The following NIPSNAP1 variants were observed in gnomAD, a reference collection of about 807,000 sequenced individuals.
The protein encoded by NIPSNAP1 is protein NipSnap homolog 1.
A neutral mutation model predicts 49.2 loss-of-function variants in NIPSNAP1; 25 were observed. The ratio of observed to expected loss-of-function variants is 0.51; its 90% confidence interval spans 0.37 to 0.71. The LOEUF is 0.71. Ranked by LOEUF, NIPSNAP1 falls within the 30% of genes least tolerant of loss-of-function variation. The pLI is 0.00. For synonymous variants in NIPSNAP1, 143 were observed against 140.7 expected, an observed-to-expected ratio of 1.02 and a Z score of -0.12; for missense variants, 294 against 361.0, an observed-to-expected ratio of 0.81 and a Z score of 1.50.
intron 1 of NIPSNAP1, among the ~76,000 whole-genome samples, chr22:29,572,618 A>C (rs1223257792): frequency 2.0e-5 from 3 of 151,834 alleles, no homozygotes; most frequent in African/African-American, 7.3e-5. Context: ...GCCTGGGGAA[A>C]CTTGTGAGAC....
chr22:29,578,602 G>A (rs1416797143), intron 1 of NIPSNAP1, among the ~76,000 whole-genome samples: 3 of 151,306 alleles, frequency 2.0e-5, no homozygotes, highest in Non-Finnish European at 2.9e-5. Context: ...GCAGCCTGAG[G>A]GGCAGCAGGA....
At chr22:29,573,023 T>C (rs942470793) in intron 1 of NIPSNAP1, among the ~76,000 whole-genome samples, 2 of 150,776 alleles carry the variant, frequency 1.3e-5, no homozygotes, top group Non-Finnish European at 3.0e-5. Flanking sequence ...AGTGGTGATA[T>C]GTTTGTTTTG....
At chr22:29,559,054 T>TCTC in intron 8 of NIPSNAP1, 101 bp from the exon 9 acceptor site, 3 of 828,996 alleles carry the variant, frequency 3.6e-6, no homozygotes, top group Non-Finnish European at 6.3e-6. Context: ...TGCACTGCTG[T>TCTC]CTCCTCCTCC....
intron 1 of NIPSNAP1, among the ~76,000 whole-genome samples, chr22:29,579,289 C>CTTTTT (rs34084606): frequency 3.5e-5 from 2 of 57,374 alleles, no homozygotes; most frequent in Admixed American, 2.5e-4. Context: ...AATTTTTGTA[C>CTTTTT]TTTTTTTTTT....
intron 1 of NIPSNAP1, among the ~76,000 whole-genome samples, chr22:29,578,482 T>C (rs558757096): frequency 6.6e-6 from 1 of 151,274 alleles, no homozygotes; most frequent in South Asian, 2.1e-4. Context: ...CAGGTCCATC[T>C]GATTTCAAAG....
In NIPSNAP1 at chr22:29,558,834, G is replaced by C. The variant is rs755025283; in HGVS notation, c.790+36C>G. 64 of 1,456,582 alleles carry C rather than the reference G, an allele frequency of 4.4e-5. 1 individual carries two copies. In the East Asian group the frequency reaches 1.2e-3, roughly 28 times the overall value. The allele number at this position is 1,456,582 out of a possible 1,614,324, so 90.2% of individuals were successfully genotyped here. On this transcript the variant is annotated intron_variant, in intron 9 of 9. Coordinates refer to ENST00000216121, the MANE Select transcript of NIPSNAP1 (RefSeq NM_003634.4). ...CAGAGAGGATTCCATCCTCAGACAG[G>C]GTTCTCAGCAGAAGACCTCCAAAGG...
intron 1 of NIPSNAP1, among the ~76,000 whole-genome samples, chr22:29,579,498 G>A (rs372949025): frequency 6.6e-6 from 1 of 151,738 alleles, no homozygotes; most frequent in East Asian, 1.9e-4. Flanking sequence ...GGGTTTCACC[G>A]TGTTAGCCAG....
chr22:29,568,111 T>C (rs1236481952), intron 4 of NIPSNAP1, among the ~76,000 whole-genome samples: 2 of 139,476 alleles, frequency 1.4e-5, no homozygotes, highest in Non-Finnish European at 3.0e-5. Context: ...CCTGGGAAAT[T>C]GAGGCTCGAG....
chr22:29,561,726 G>C lies in NIPSNAP1; in HGVS notation c.438+66C>G. The stretch of plus-strand genomic sequence containing the variant: ...GTGTGCCTCATGGGGTAGCAGAGTA[G>C]TCCCCAGAACAGGGCTGGGCTGCAT... On this transcript the variant is annotated intron_variant, in intron 5 of 9. Transcript: ENST00000216121. The C allele has an allele frequency of 5.6e-6, 9 of 1,613,080 alleles. No homozygotes were observed. The South Asian group carries it at 8.8e-5, about 16-fold the overall frequency.
At chr22:29,570,721 C>T (rs185798248) in intron 1 of NIPSNAP1, among the ~76,000 whole-genome samples, 189 bp from the exon 2 acceptor site, 1 of 152,250 alleles carries the variant, frequency 6.6e-6, no homozygotes, top group Non-Finnish European at 1.5e-5. Context: ...ATTCCAGCTG[C>T]CCAGTTGGCT....
At chr22:29,569,348 G>T (rs576644374) in intron 3 of NIPSNAP1, 61 bp from the exon 4 acceptor site, 2 of 1,286,394 alleles carry the variant, frequency 1.6e-6, no homozygotes, top group Non-Finnish European at 2.2e-6. Flanking sequence ...CTGAGATAAG[G>T]GTTCAAACTC....
At chr22:29,577,249 T>C (rs1375336306) in intron 1 of NIPSNAP1, among the ~76,000 whole-genome samples, 3 of 150,914 alleles carry the variant, frequency 2.0e-5, no homozygotes, top group Non-Finnish European at 2.9e-5. Flanking sequence ...CCACCACGTC[T>C]GGCTAATTTT....
In NIPSNAP1 at chr22:29,580,976, G is replaced by A. The variant is rs1453537908; in HGVS notation, c.98+9C>T. ...GCGCGCGTCTATCCCTGCCTGGCCG[G>A]GCTCTCACCGCGCCGCAGCTGCAGA... On this transcript the variant is annotated intron_variant, in intron 1 of 9. Coordinates refer to ENST00000216121, the MANE Select transcript of NIPSNAP1 (RefSeq NM_003634.4). 6.5e-7 allele frequency: 1 copy of A among 1,528,868 alleles called. No individual in the cohort carries two copies. Among genetic ancestry groups the A allele is most frequent in the Non-Finnish European group, 8.7e-7 (1 of 1,143,378 alleles). The allele number at this position is 1,528,868 out of a possible 1,614,324, so 94.7% of individuals were successfully genotyped here.
At chr22:29,580,405 G>T (rs2064488976) in intron 1 of NIPSNAP1, 2 of 382,980 alleles carry the variant, frequency 5.2e-6, no homozygotes, top group South Asian at 2.1e-4. Context: ...GCCACCAGTT[G>T]GGTGCAAAGT....
In NIPSNAP1 at chr22:29,569,182, G is replaced by A. The variant is rs1389999320; in HGVS notation, c.367+11C>T. On this transcript the variant is annotated intron_variant, in intron 4 of 9. Coordinates refer to ENST00000216121, the MANE Select transcript of NIPSNAP1 (RefSeq NM_003634.4). Reference sequence around the variant, plus strand: ...GCAGTGGCAATGGCACTAGGGAGGTGAGCGCCTTACCTGCCTGGTCCTGCT... The same window carrying A: ...GCAGTGGCAATGGCACTAGGGAGGTAAGCGCCTTACCTGCCTGGTCCTGCT... 1.1e-5 allele frequency: 17 copies of A among 1,612,340 alleles called. No homozygotes were observed. Among genetic ancestry groups the A allele is most frequent in the Non-Finnish European group, 1.4e-5 (17 of 1,178,706 alleles).
At chr22:29,571,086 C>A (rs182247482) in intron 1 of NIPSNAP1, among the ~76,000 whole-genome samples, 1 of 152,162 alleles carries the variant, frequency 6.6e-6, no homozygotes, top group Non-Finnish European at 1.5e-5. Flanking sequence ...AGCACTCTCA[C>A]AGTGCACTTG....
In NIPSNAP1 at chr22:29,558,916, G is replaced by A. The variant is rs147878615; in HGVS notation, c.744C>T (p.Asn248=). The part of the protein sequence containing the change: ...KDLQSREETR[N]AAWRKRGWDE... The stretch of plus-strand genomic sequence containing the variant: ...CCCAGCCTCTCTTCCTCCAGGCAGC[G>A]TTTCGAGTCTCCTCCCGAGACTGCA... The change falls in exon 9 of 10, where the codon AAC becomes AAT. Residue 248 remains asparagine (N), a synonymous_variant. Transcript: ENST00000216121. 4.8e-5 allele frequency: 77 copies of A among 1,613,886 alleles called. No homozygotes were observed. In the African/African-American group the frequency reaches 5.3e-4, roughly 11 times the overall value.
chr22:29,562,960 G>T (rs572355143), intron 4 of NIPSNAP1, among the ~76,000 whole-genome samples: 1 of 152,010 alleles, frequency 6.6e-6, no homozygotes, highest in Non-Finnish European at 1.5e-5. Context: ...TTAGCCAGGC[G>T]TGGTGGCGGG....
intron 4 of NIPSNAP1, among the ~76,000 whole-genome samples, chr22:29,567,902 G>A (rs1183212327): frequency 6.6e-6 from 1 of 151,984 alleles, no homozygotes; most frequent in African/African-American, 2.4e-5. Context: ...GAAAGGCCAG[G>A]CACGGTGGCT....
Sources: gnomAD v4.1 joint callset for allele counts (sites outside exome capture counted in the v4.1 genomes callset) on GRCh38, gnomAD v4.1.1 for gene constraint, MANE v1.5 for transcripts, NCBI Gene and HGNC (gene_info 2026-07-23, HGNC 2026-07-21) for gene names.